ESRRG: variants seen among roughly 807,000 people sequenced by gnomAD.
ESRRG encodes estrogen related receptor gamma.
ESRRG carries 13 observed loss-of-function variants against 44.0 expected under a neutral mutation model. The observed-to-expected ratio is 0.30, with a 90% confidence interval of 0.19 to 0.47. ESRRG has a LOEUF of 0.47. ESRRG is among the 20% of genes least tolerant of loss of function. ESRRG has a pLI of 1.00. For synonymous variants in ESRRG, 215 were observed against 214.6 expected (o/e 1.00, Z -0.02); for missense variants, 395 against 580.6 (o/e 0.68, Z 3.29).
intron 2 of ESRRG, among the ~76,000 whole-genome samples, chr1:216,758,336 C>A (rs2092580543): frequency 6.6e-6 from 1 of 152,094 alleles, no homozygotes; most frequent in Non-Finnish European, 1.5e-5. Flanking sequence ...AAACAAACAG[C>A]CGCTCCACCA....
chr1:216,753,540 A>G (rs1214124037), intron 2 of ESRRG, among the ~76,000 whole-genome samples: 1 of 152,152 alleles, frequency 6.6e-6, no homozygotes, highest in Non-Finnish European at 1.5e-5. Context: ...GCTATTGCTT[A>G]TAGTTTCCTT....
chr1:216,967,492 T>C (rs982084713), intron 1 of ESRRG, among the ~76,000 whole-genome samples: 1 of 152,212 alleles, frequency 6.6e-6, no homozygotes, highest in Admixed American at 6.5e-5. Flanking sequence ...ATATACTATA[T>C]AGCCTTTTCA....
At chr1:217,039,260 G>A (rs1225172674) in intron 1 of ESRRG, among the ~76,000 whole-genome samples, 1 of 152,074 alleles carries the variant, frequency 6.6e-6, no homozygotes, top group Non-Finnish European at 1.5e-5. Flanking sequence ...CAGTTCCAAA[G>A]TCTCTTCCAC....
intron 1 of ESRRG, among the ~76,000 whole-genome samples, chr1:217,106,881 T>G (rs2151578125): frequency 6.6e-6 from 1 of 152,310 alleles, no homozygotes; most frequent in South Asian, 2.1e-4. Context: ...CTGCCTCTTT[T>G]TATACTTTCA....
rs145772905 is a variant in ESRRG, at chr1:216,848,579, C to A, written c.-14+91003G>T. 8.7e-3 allele frequency among the ~76,000 whole-genome samples: 1,324 copies of A among 152,156 alleles called. 7 individuals are homozygous for A. The highest frequency in any genetic ancestry group is 0.014 in the Non-Finnish European group (981 of 67,974). ...AATAGCTACCCAGTGCTCTACATTG[C>A]GCAGCATGTTGCTATGGTATGCTTG... On this transcript the variant is annotated intron_variant, in intron 2 of 7. Coordinates refer to the ESRRG transcript ENST00000359162.
At chr1:216,658,902 AG>A (rs766766192) in intron 2 of ESRRG, among the ~76,000 whole-genome samples, 1 of 150,864 alleles carries the variant, frequency 6.6e-6, no homozygotes, top group African/African-American at 2.5e-5. Context: ...AGAGAAGAGA[AG>A]AGAAGAGAAG....
At chr1:216,808,269 A>G (rs2094861049) in intron 2 of ESRRG, among the ~76,000 whole-genome samples, 1 of 152,150 alleles carries the variant, frequency 6.6e-6, no homozygotes. Flanking sequence ...GGCAGAGCTC[A>G]TAGATAACAT....
intron 1 of ESRRG, among the ~76,000 whole-genome samples, chr1:217,082,081 G>A (rs1299053932): frequency 4.6e-5 from 7 of 152,202 alleles, no homozygotes; most frequent in Admixed American, 4.6e-4. Context: ...TCTATGTCCA[G>A]CTGCCCAGCT....
At chr1:216,671,169 A>C (rs1450085074) in intron 2 of ESRRG, among the ~76,000 whole-genome samples, 1 of 152,188 alleles carries the variant, frequency 6.6e-6, no homozygotes, top group Non-Finnish European at 1.5e-5. Context: ...AGTGAAGCTA[A>C]ACTGAGAATT....
chr1:216,589,746 G>A (rs1041297253), intron 3 of ESRRG, among the ~76,000 whole-genome samples: 12 of 151,536 alleles, frequency 7.9e-5, no homozygotes, highest in African/African-American at 2.7e-4. Context: ...TTCACTAAAA[G>A]CACAAAAATT....
chr1:216,841,399 A>G (rs1339809195), intron 2 of ESRRG, among the ~76,000 whole-genome samples: 1 of 152,176 alleles, frequency 6.6e-6, no homozygotes, highest in Non-Finnish European at 1.5e-5. Flanking sequence ...CAATCTGGTC[A>G]GCATCAGTTT....
chr1:217,101,509 G>C (rs2151568132), intron 1 of ESRRG, among the ~76,000 whole-genome samples: 1 of 152,294 alleles, frequency 6.6e-6, no homozygotes, highest in Non-Finnish European at 1.5e-5. Flanking sequence ...ATTTCAAACT[G>C]ATAAGATAGA....
At chr1:216,936,007 G>A (rs1389119968) in intron 2 of ESRRG, among the ~76,000 whole-genome samples, 1 of 151,956 alleles carries the variant, frequency 6.6e-6, no homozygotes, top group Non-Finnish European at 1.5e-5. Flanking sequence ...GAGGATGAGG[G>A]GTATGGTTGA....
intron 2 of ESRRG, among the ~76,000 whole-genome samples, chr1:216,860,195 G>T (rs1189325451): frequency 6.6e-6 from 1 of 152,162 alleles, no homozygotes; most frequent in African/African-American, 2.4e-5. Flanking sequence ...AACCTGGGAG[G>T]CAGTGTTGCA....
intron 2 of ESRRG, among the ~76,000 whole-genome samples, chr1:216,882,070 T>C (rs2096456618): frequency 6.6e-6 from 1 of 152,108 alleles, no homozygotes; most frequent in Non-Finnish European, 1.5e-5. Flanking sequence ...CTCCCTGTGA[T>C]ACCTTTGTTT....
chr1:216,623,030 T>C (rs1302470492), intron 3 of ESRRG, among the ~76,000 whole-genome samples: 1 of 151,814 alleles, frequency 6.6e-6, no homozygotes, highest in East Asian at 1.9e-4. Flanking sequence ...GTAGTTACAG[T>C]TCAATGCAAC....
intron 1 of ESRRG, chr1:217,089,490 G>A (rs1471779216): frequency 6.6e-6 from 1 of 152,166 alleles, no homozygotes; most frequent in Non-Finnish European, 1.5e-5. Context: ...TTGATGATAA[G>A]GATTTGGACC....
intron 5 of ESRRG, among the ~76,000 whole-genome samples, chr1:216,547,780 C>T (rs1014590520): frequency 4.6e-5 from 7 of 152,022 alleles, no homozygotes; most frequent in East Asian, 1.9e-4. Context: ...TCCCTTTAGC[C>T]GGCAAACATT....
intron 3 of ESRRG, among the ~76,000 whole-genome samples, chr1:216,640,103 T>C (rs1574575018): frequency 1.3e-5 from 2 of 152,324 alleles, no homozygotes; most frequent in African/African-American, 4.8e-5. Flanking sequence ...ACTACTGTGC[T>C]GGGGCTGTGC....
Sources: gnomAD v4.1 joint callset for allele counts (sites outside exome capture counted in the v4.1 genomes callset) on GRCh38, gnomAD v4.1.1 for gene constraint, MANE v1.5 for transcripts, NCBI Gene and HGNC (gene_info 2026-07-23, HGNC 2026-07-21) for gene names.